The following CDK19 variants were observed in gnomAD, a reference collection of about 807,000 sequenced individuals.
CDK19 encodes the protein cyclin-dependent kinase 19.
Under a neutral mutation model 68.3 loss-of-function variants are expected in CDK19, and 20 were observed. The ratio of observed to expected loss-of-function variants is 0.29; its 90% CI spans 0.21 to 0.43. The LOEUF is 0.43. CDK19 is among the 20% of genes least tolerant of loss of function. The pLI is 1.00. For missense variants in CDK19, 339 were observed against 623.5 expected (o/e 0.54, Z 4.86); for synonymous variants, 221 against 222.8 (o/e 0.99, Z 0.07).
chr6:110,742,754 C>T (rs1777776018), intron 2 of CDK19, among the ~76,000 whole-genome samples: 1 of 152,086 alleles, frequency 6.6e-6, no homozygotes, highest in African/African-American at 2.4e-5. Flanking sequence ...AATTACAGCC[C>T]AGTAAATTTT....
intron 4 of CDK19, among the ~76,000 whole-genome samples, chr6:110,651,772 C>T (rs977372484): frequency 1.3e-5 from 2 of 152,156 alleles, no homozygotes; most frequent in African/African-American, 4.8e-5. Flanking sequence ...AATATCAAAA[C>T]AATCAGTTGA....
intron 2 of CDK19, among the ~76,000 whole-genome samples, chr6:110,731,024 C>G (rs1482351992): frequency 6.7e-6 from 1 of 148,830 alleles, no homozygotes; most frequent in Non-Finnish European, 1.5e-5. Context: ...TGCACTCCAG[C>G]TTGGGCGACA....
Position 110,764,042 on chromosome 6 carries a change from C to T in CDK19, c.129-17841G>A, listed in dbSNP as rs577450570. Among the ~76,000 whole-genome samples the T allele has an allele frequency of 1.6e-4, 25 of 152,082 alleles. No homozygotes were observed. In the East Asian group the frequency reaches 3.7e-3, roughly 22 times the overall value. ...AAAGAAATATTAGGTATAAATCTAA[C>T]AAAAGTATAAAATATATATAAGGAA... is the stretch of plus-strand genomic sequence containing the variant. On this transcript the variant is annotated intron_variant, in intron 1 of 12. Coordinates refer to ENST00000368911, the MANE Select transcript of CDK19 (RefSeq NM_015076.5).
intron 1 of CDK19, among the ~76,000 whole-genome samples, chr6:110,805,464 A>G (rs531484608): frequency 4.6e-4 from 70 of 151,972 alleles, no homozygotes; most frequent in African/African-American, 1.6e-3. Context: ...ACCCTGCACT[A>G]TAGAATAATT....
intron 4 of CDK19, among the ~76,000 whole-genome samples, chr6:110,640,231 C>CAAAAAAAAAAAAAAAAAAAAAAAAAAAAA (rs59703376): frequency 1.2e-5 from 1 of 80,714 alleles, no homozygotes; most frequent in Non-Finnish European, 2.3e-5. Flanking sequence ...GACCCTGTCA[C>CAAAAAAAAAAAAAAAAAAAAAAAAAAAAA]AAAAAAAAAA....
chr6:110,711,834 G>A (rs892359845), intron 2 of CDK19, among the ~76,000 whole-genome samples: 1 of 152,234 alleles, frequency 6.6e-6, no homozygotes, highest in Non-Finnish European at 1.5e-5. Context: ...CGGGCGTGGT[G>A]GCGGGTGCCT....
At chr6:110,646,400 C>A in intron 4 of CDK19, 1 of 1,483,334 alleles carries the variant, frequency 6.7e-7, no homozygotes, top group Non-Finnish European at 8.9e-7. Context: ...CATGGGGCTG[C>A]TGGCGGGCGG....
chr6:110,775,696 ATGT>A (rs1472608611), intron 1 of CDK19, among the ~76,000 whole-genome samples: 6 of 152,228 alleles, frequency 3.9e-5, no homozygotes, highest in Non-Finnish European at 8.8e-5. Context: ...AACATAGCTG[ATGT>A]ATGAGAAAAA....
intron 2 of CDK19, among the ~76,000 whole-genome samples, chr6:110,737,093 G>C (rs1165529042): frequency 3.9e-5 from 6 of 152,220 alleles, no homozygotes. Flanking sequence ...GAAAGCATCT[G>C]CAGCTACCAC....
intron 1 of CDK19, among the ~76,000 whole-genome samples, chr6:110,781,842 A>G (rs1014337532): frequency 5.4e-5 from 8 of 148,678 alleles, no homozygotes; most frequent in Non-Finnish European, 1.2e-4. Flanking sequence ...TCTCAAATGA[A>G]AAAAAAAAAA....
intron 2 of CDK19, among the ~76,000 whole-genome samples, chr6:110,717,058 G>T (rs1189608146): frequency 6.6e-6 from 1 of 152,140 alleles, no homozygotes; most frequent in African/African-American, 2.4e-5. Context: ...CTGGAACCTG[G>T]GAGGCACAGG....
chr6:110,662,457 A>G (rs555359680), intron 4 of CDK19, among the ~76,000 whole-genome samples: 1 of 152,172 alleles, frequency 6.6e-6, no homozygotes, highest in Non-Finnish European at 1.5e-5. Context: ...GAAATGAAGG[A>G]GTCATAAATC....
intron 2 of CDK19, among the ~76,000 whole-genome samples, chr6:110,698,798 G>T (rs1180245921): frequency 2.6e-5 from 4 of 152,162 alleles, no homozygotes; most frequent in Admixed American, 2.6e-4. Context: ...GTGGTAGATA[G>T]CCAGGTGCAG....
intron 2 of CDK19, among the ~76,000 whole-genome samples, chr6:110,719,994 C>A (rs1170214903): frequency 7.9e-6 from 1 of 126,908 alleles, no homozygotes; most frequent in African/African-American, 2.9e-5. Context: ...CCACCCCCCC[C>A]CTGCTTCGGC....
At position 110,697,218 on chromosome 6, in the gene CDK19, G is replaced by A. The variant is rs184771952; in HGVS notation, c.205-26677C>T. 6.6e-5 allele frequency among the ~76,000 whole-genome samples: 10 copies of A among 151,702 alleles called. No homozygotes were observed. The East Asian group carries it at 7.7e-4, about 12-fold the overall frequency. ...GCACTCCAGCCCGGGCAACAAGAGC[G>A]AAACTCTGTCTCAAAATAAATAAAT... On this transcript the variant is annotated intron_variant, in intron 2 of 12. Transcript: ENST00000368911.
At chr6:110,679,222 A>T (rs984696915) in intron 2 of CDK19, among the ~76,000 whole-genome samples, 1 of 152,074 alleles carries the variant, frequency 6.6e-6, no homozygotes, top group African/African-American at 2.4e-5. Flanking sequence ...AGGCTGAGGT[A>T]CGAGGACTGC....
chr6:110,805,252 A>C (rs1027347605), intron 1 of CDK19, among the ~76,000 whole-genome samples: 2 of 152,204 alleles, frequency 1.3e-5, no homozygotes, highest in African/African-American at 4.8e-5. Flanking sequence ...GGTTTTAAAG[A>C]AATTGTCATG....
intron 4 of CDK19, among the ~76,000 whole-genome samples, chr6:110,649,581 C>A (rs959123787): frequency 1.4e-4 from 22 of 151,932 alleles, no homozygotes; most frequent in Admixed American, 3.9e-4. Context: ...CACAAACTGG[C>A]AGAAATATAT....
At chr6:110,619,911 A>AT (rs2114607622) in intron 12 of CDK19, among the ~76,000 whole-genome samples, 1 of 152,228 alleles carries the variant, frequency 6.6e-6, no homozygotes, top group Non-Finnish European at 1.5e-5. Flanking sequence ...AATTATTATT[A>AT]TTTTTTAACA....
Sources: gnomAD v4.1 joint callset for allele counts (sites outside exome capture counted in the v4.1 genomes callset) on GRCh38, gnomAD v4.1.1 for gene constraint, MANE v1.5 for transcripts, NCBI Gene and HGNC (gene_info 2026-07-23, HGNC 2026-07-21) for gene names.